HECW2: variants seen among roughly 807,000 people sequenced by gnomAD.
HECW2 encodes HECT, C2 and WW domain containing E3 ubiquitin protein ligase 2.
A neutral mutation model predicts 175.2 loss-of-function variants in HECW2; 61 were observed. The observed-to-expected ratio is 0.35, with a 90% CI of 0.28 to 0.43. The LOEUF is 0.43. Ranked by LOEUF, HECW2 falls within the 20% of genes least tolerant of loss-of-function variation. The pLI is 1.00. For synonymous variants in HECW2, 671 were observed against 731.0 expected, an observed-to-expected ratio of 0.92 and a Z score of 1.32; for missense variants, 1,524 against 2,000.5, an observed-to-expected ratio of 0.76 and a Z score of 4.54.
chr2:196,511,005 G>T (rs143304733), intron 1 of HECW2, among the ~76,000 whole-genome samples: 1 of 152,102 alleles, frequency 6.6e-6, no homozygotes, highest in Non-Finnish European at 1.5e-5. Flanking sequence ...TCACTCTGTC[G>T]CCCAGGCTGG....
chr2:196,492,683 A>G (rs762584376), intron 1 of HECW2, among the ~76,000 whole-genome samples: 22 of 152,170 alleles, frequency 1.4e-4, no homozygotes, highest in Non-Finnish European at 2.9e-4. Flanking sequence ...CTCTTTCCTG[A>G]ATTTAAAAGA....
At chr2:196,383,173 C>T (rs1486680663) in intron 2 of HECW2, among the ~76,000 whole-genome samples, 1 of 152,142 alleles carries the variant, frequency 6.6e-6, no homozygotes, top group Non-Finnish European at 1.5e-5. Context: ...AAAATGCAAG[C>T]ATAAGTCTCA....
rs186810434 is a variant in HECW2 at position 196,229,507 on chromosome 2, G to A, written c.3765-1253C>T. Among the ~76,000 whole-genome samples, 179 of 152,042 alleles carry A rather than the reference G, an allele frequency of 1.2e-3. 2 individuals carry two copies. The highest frequency in any genetic ancestry group is 6.7e-3 in the South Asian group (32 of 4,800). On this transcript the variant is annotated intron_variant, in intron 21 of 28. Transcript: ENST00000644978. ...GAGAGAGTGACACAGTGAGACCCCC[G>A]TCTCTACAAAAAATAAGAAAAAATT...
intron 21 of HECW2, among the ~76,000 whole-genome samples, chr2:196,230,036 A>G (rs1042979004): frequency 6.6e-6 from 1 of 152,224 alleles, no homozygotes; most frequent in Non-Finnish European, 1.5e-5. Context: ...TATGTAAAGA[A>G]AAATGCAAAC....
At chr2:196,214,342 A>AGATATGTC (rs1294991760) in intron 28 of HECW2, among the ~76,000 whole-genome samples, 4 of 152,258 alleles carry the variant, frequency 2.6e-5, no homozygotes, top group Non-Finnish European at 4.4e-5. Flanking sequence ...AACAGTGGAC[A>AGATATGTC]TATCTGCTTA....
At chr2:196,252,178 A>AAATAATAATAATAATAATAATAATAAT (rs10666310) in intron 19 of HECW2, among the ~76,000 whole-genome samples, 2 of 133,250 alleles carry the variant, frequency 1.5e-5, no homozygotes, top group Admixed American at 7.7e-5. Flanking sequence ...CTCCGATTCA[A>AAATAATAATAATAATAATAATAATAAT]AATAATAATA....
intron 1 of HECW2, among the ~76,000 whole-genome samples, chr2:196,587,897 A>C (rs1691042996): frequency 6.6e-6 from 1 of 152,146 alleles, no homozygotes; most frequent in Non-Finnish European, 1.5e-5. Context: ...CCCCCTTGTC[A>C]TTCCACCCCA....
intron 20 of HECW2, among the ~76,000 whole-genome samples, chr2:196,241,069 T>C (rs1688435903): frequency 6.6e-6 from 1 of 152,182 alleles, no homozygotes; most frequent in Non-Finnish European, 1.5e-5. Flanking sequence ...TGTTAATTGT[T>C]AAATTAAGTG....
chr2:196,527,462 T>C lies in HECW2; in HGVS notation c.-36+66046A>G, dbSNP rs577939484. ...TCTGCGTCGCTCACGCTGGGAGCTG[T>C]AGACCGGAGCTGTTTCTATTCGGCC... On this transcript the variant is annotated intron_variant, in intron 1 of 28. Coordinates refer to ENST00000644978, the MANE Select transcript of HECW2 (RefSeq NM_001348768.2). Among the ~76,000 whole-genome samples the C allele has an allele frequency of 3.3e-4, 51 of 152,352 alleles. 1 individual carries two copies. Among genetic ancestry groups the C allele is most frequent in the African/African-American group, 1.1e-3 (44 of 41,582 alleles).
intron 1 of HECW2, among the ~76,000 whole-genome samples, chr2:196,527,333 G>A (rs1017863468): frequency 5.3e-5 from 8 of 152,350 alleles, no homozygotes; most frequent in Admixed American, 2.0e-4. Context: ...GCCCTGCTTC[G>A]GCTCACGCAC....
intron 21 of HECW2, chr2:196,238,475 T>C (rs1285693089): frequency 1.3e-5 from 2 of 151,918 alleles, no homozygotes; most frequent in Non-Finnish European, 2.9e-5. Flanking sequence ...TTTTTTTAGC[T>C]TTCTATTTTT....
intron 17 of HECW2, among the ~76,000 whole-genome samples, chr2:196,269,014 G>A (rs1013550373): frequency 1.3e-5 from 2 of 152,104 alleles, no homozygotes; most frequent in African/African-American, 4.8e-5. Flanking sequence ...ATTTTTCCGT[G>A]GTTAAGAACA....
chr2:196,535,229 G>C (rs1324861010), intron 1 of HECW2, among the ~76,000 whole-genome samples: 4 of 152,116 alleles, frequency 2.6e-5, no homozygotes, highest in Non-Finnish European at 5.9e-5. Context: ...GACTCCAAAT[G>C]AAGAAACACA....
At chr2:196,527,780 T>C (rs1688719909) in intron 1 of HECW2, among the ~76,000 whole-genome samples, 4 of 152,072 alleles carry the variant, frequency 2.6e-5, no homozygotes, top group African/African-American at 4.8e-5. Context: ...GCCCCAGGGG[T>C]TTATAGCCCT....
chr2:196,558,738 C>T (rs1471842027), intron 1 of HECW2, among the ~76,000 whole-genome samples: 1 of 152,232 alleles, frequency 6.6e-6, no homozygotes, highest in African/African-American at 2.4e-5. Flanking sequence ...AGCATTGTGC[C>T]TTTGAAGGCC....
intron 17 of HECW2, among the ~76,000 whole-genome samples, chr2:196,267,151 G>A (rs554573309): frequency 6.6e-6 from 1 of 152,264 alleles, no homozygotes; most frequent in Non-Finnish European, 1.5e-5. Context: ...GACTAGTAGG[G>A]AACAGATTTA....
chr2:196,436,400 CAAA>C (rs35290180), intron 1 of HECW2, among the ~76,000 whole-genome samples: 8 of 82,056 alleles, frequency 9.7e-5, no homozygotes, highest in Non-Finnish European at 1.3e-4. Flanking sequence ...GACTCCATCT[CAAA>C]AAAAAAAAAA....
At chr2:196,246,358 T>C (rs770773741) in intron 19 of HECW2, among the ~76,000 whole-genome samples, 17 of 152,040 alleles carry the variant, frequency 1.1e-4, no homozygotes, top group African/African-American at 3.9e-4. Context: ...AACAAGGAAC[T>C]GAACGAAAAT....
chr2:196,282,679 T>G (rs947036158), intron 14 of HECW2, among the ~76,000 whole-genome samples: 7 of 152,192 alleles, frequency 4.6e-5, no homozygotes, highest in African/African-American at 1.7e-4. Context: ...GACCAAGGTT[T>G]TATCATGCAG....
Sources: allele counts gnomAD v4.1 joint callset (sites outside exome capture counted in the v4.1 genomes callset), GRCh38; gene constraint gnomAD v4.1.1; transcripts MANE v1.5; gene names NCBI Gene and HGNC (gene_info 2026-07-23, HGNC 2026-07-21).